Variants in TMCC3 observed in about 807,000 individuals in gnomAD.
The protein encoded by TMCC3 is transmembrane and coiled-coil domain protein 3.
TMCC3 carries 28 observed loss-of-function variants against 40.2 expected under a neutral mutation model. The ratio of observed to expected loss-of-function variants is 0.70; its 90% CI spans 0.52 to 0.95. TMCC3 has a LOEUF of 0.95. Among genes scored for constraint, TMCC3 ranks in the 40% least tolerant of loss-of-function variants. The pLI, the probability that TMCC3 is intolerant of heterozygous loss-of-function variation, is 0.00. For missense variants in TMCC3, 554 were observed against 615.2 expected (o/e 0.90, Z 1.05); for synonymous variants, 255 against 248.5 (o/e 1.03, Z -0.25).
chr12:94,592,661 C>CAAACAAAAAAAAAAAAAAAA (rs1179258894), intron 1 of TMCC3, among the ~76,000 whole-genome samples: 2 of 27,496 alleles, frequency 7.3e-5, no homozygotes, highest in Non-Finnish European at 1.4e-4. Context: ...GGCTCCATCT[C>CAAACAAAAAAAAAAAAAAAA]AAAAAAAAAA....
At chr12:94,572,364 G>A (rs1171448254) in intron 3 of TMCC3, among the ~76,000 whole-genome samples, 1 of 134,852 alleles carries the variant, frequency 7.4e-6, no homozygotes. Flanking sequence ...AGGCTGGAGT[G>A]CAGTGGCGTG....
intron 1 of TMCC3, chr12:94,615,905 A>G: frequency 8.1e-6 from 8 of 984,830 alleles, no homozygotes; most frequent in Non-Finnish European, 9.6e-6. Flanking sequence ...GAAACGGAAG[A>G]GTTGTGAAGA....
rs2068502866 is a variant in TMCC3 at position 94,567,639 on chromosome 12, T to G, written c.*3796A>C. On this transcript the variant is annotated 3_prime_UTR_variant, in exon 4 of 4. Transcript: ENST00000261226. ...CAGTGATTTATCTTTTTAAACCAACTCGTTCCTTTGTGCATGTGCTAACCT... is the reference window on the plus strand; with the variant it reads ...CAGTGATTTATCTTTTTAAACCAACGCGTTCCTTTGTGCATGTGCTAACCT... 6.6e-6 allele frequency: 1 copy of G among 152,204 alleles called. No individual in the cohort carries two copies. The highest frequency in any genetic ancestry group is 1.5e-5 in the Non-Finnish European group (1 of 68,032). 9.4% of individuals were successfully genotyped at this position (152,204 alleles called of 1,614,324 possible).
intron 1 of TMCC3, chr12:94,644,464 C>T: frequency 1.0e-6 from 1 of 984,954 alleles, no homozygotes; most frequent in Non-Finnish European, 1.2e-6. Flanking sequence ...AACTTGGTAG[C>T]AGCTGTCTTG....
intron 3 of TMCC3, among the ~76,000 whole-genome samples, chr12:94,577,890 T>C (rs1201843490): frequency 1.3e-5 from 2 of 152,044 alleles, no homozygotes; most frequent in African/African-American, 4.8e-5. Flanking sequence ...CTCACACCTG[T>C]AATCCCAGCA....
At chr12:94,642,893 AC>A (rs199571578) in intron 1 of TMCC3, among the ~76,000 whole-genome samples, 1,586 of 152,330 alleles carry the variant, frequency 0.01, 22 homozygotes, top group African/African-American at 0.036. Context: ...GGCAGGGTAC[AC>A]TATAGAAAGT....
intron 1 of TMCC3, among the ~76,000 whole-genome samples, chr12:94,638,877 T>C (rs919235268): frequency 2.0e-5 from 3 of 152,218 alleles, no homozygotes; most frequent in African/African-American, 7.2e-5. Context: ...AAAGGCATTC[T>C]TTATTTTTGG....
At chr12:94,601,897 CACAA>C (rs1415413657) in intron 1 of TMCC3, among the ~76,000 whole-genome samples, 4 of 143,422 alleles carry the variant, frequency 2.8e-5, no homozygotes, top group African/African-American at 5.3e-5. Flanking sequence ...AGGTTACAAA[CACAA>C]ACAAAGAAAA....
chr12:94,625,421 C>G (rs2068898952), intron 1 of TMCC3, among the ~76,000 whole-genome samples: 1 of 151,658 alleles, frequency 6.6e-6, no homozygotes, highest in Non-Finnish European at 1.5e-5. Context: ...CGGTGAAACC[C>G]TATCTCTACT....
intron 1 of TMCC3, among the ~76,000 whole-genome samples, chr12:94,599,565 C>A (rs961181358): frequency 1.2e-4 from 16 of 133,746 alleles, no homozygotes; most frequent in South Asian, 7.7e-4. Context: ...TACCCCCCCC[C>A]CCGCCCACAC....
chr12:94,582,700 G>A (rs2068612640), intron 1 of TMCC3, among the ~76,000 whole-genome samples, 162 bp from the exon 2 acceptor site: 1 of 151,468 alleles, frequency 6.6e-6, no homozygotes, highest in Non-Finnish European at 1.5e-5. Context: ...GTTGAACATA[G>A]AGGCAGCCTG....
chr12:94,593,400 A>AAGAAGAGGAAGAGGAAGAGGAAGAG (rs1566320602), intron 1 of TMCC3, among the ~76,000 whole-genome samples: 1 of 30,258 alleles, frequency 3.3e-5, no homozygotes, highest in African/African-American at 1.4e-4. Flanking sequence ...GAAAGAAGAA[A>AAGAAGAGGAAGAGGAAGAGGAAGAG]GAAGAAGAAG....
In TMCC3 at chr12:94,599,285, C is replaced by G. The variant is rs137973116; in HGVS notation, c.79-16747G>C. 5.3e-5 allele frequency among the ~76,000 whole-genome samples: 8 copies of G among 152,196 alleles called. No homozygotes were observed. The East Asian group carries it at 1.5e-3, about 29-fold the overall frequency. ...CATGGTTTATTAAACCTAACATACC[C>G]CAGATAGGTGGGTTCTTCAGAAGAC... On this transcript the variant is annotated intron_variant, in intron 1 of 3. Coordinates refer to ENST00000261226, the MANE Select transcript of TMCC3 (RefSeq NM_020698.4).
intron 1 of TMCC3, among the ~76,000 whole-genome samples, chr12:94,594,232 C>CACACACACACACACAGAG (rs1446763750): frequency 1.0e-4 from 15 of 147,920 alleles, no homozygotes; most frequent in African/African-American, 3.7e-4. Flanking sequence ...CACACACACA[C>CACACACACACACACAGAG]AGAGTGAGAG....
intron 1 of TMCC3, among the ~76,000 whole-genome samples, chr12:94,622,444 T>C (rs935024340): frequency 2.6e-5 from 4 of 152,206 alleles, no homozygotes; most frequent in African/African-American, 9.7e-5. Context: ...ACTGTTTTGA[T>C]TTTTGTAAAT....
intron 1 of TMCC3, chr12:94,598,717 A>C (rs1364166304): frequency 1.2e-5 from 12 of 985,356 alleles, no homozygotes; most frequent in African/African-American, 1.7e-5. Flanking sequence ...TCCCACAGCC[A>C]CAGACGTTTA....
intron 1 of TMCC3, among the ~76,000 whole-genome samples, chr12:94,647,636 T>G (rs2069026958): frequency 1.3e-5 from 2 of 152,166 alleles, no homozygotes; most frequent in South Asian, 2.1e-4. Flanking sequence ...TATACTAGTT[T>G]CCTCCCAAGG....
chr12:94,624,580 G>A (rs1407578234), intron 1 of TMCC3, among the ~76,000 whole-genome samples: 4 of 152,048 alleles, frequency 2.6e-5, no homozygotes, highest in Admixed American at 6.6e-5. Context: ...CAGGCGTGGT[G>A]GCGTACGCCT....
intron 3 of TMCC3, among the ~76,000 whole-genome samples, chr12:94,575,874 C>G (rs1366475895): frequency 6.6e-6 from 1 of 152,138 alleles, no homozygotes; most frequent in Non-Finnish European, 1.5e-5. Flanking sequence ...TCACAGCTCA[C>G]TGCAGCCACA....
Sources: allele counts gnomAD v4.1 joint callset (sites outside exome capture counted in the v4.1 genomes callset), GRCh38; gene constraint gnomAD v4.1.1; transcripts MANE v1.5; gene names NCBI Gene and HGNC (gene_info 2026-07-23, HGNC 2026-07-21).